The following BACH2 variants were observed in gnomAD, a reference collection of about 807,000 sequenced individuals.
BACH2 encodes the protein BACH transcriptional regulator 2.
BACH2 carries 5 observed loss-of-function variants against 61.8 expected under a neutral mutation model. The observed-to-expected ratio is 0.08, with a 90% confidence interval of 0.04 to 0.17. The LOEUF is 0.17. BACH2 is among the 10% of genes least tolerant of loss of function. The pLI, the probability that BACH2 is intolerant of heterozygous loss-of-function variation, is 1.00. For synonymous variants in BACH2, 446 were observed against 440.1 expected (o/e 1.01, Z -0.17); for missense variants, 824 against 1,091.1 (o/e 0.76, Z 3.45).
intron 2 of BACH2, among the ~76,000 whole-genome samples, chr6:90,268,905 G>A (rs1771430559): frequency 6.6e-6 from 1 of 152,068 alleles, no homozygotes; most frequent in African/African-American, 2.4e-5. Context: ...AATAAGAACA[G>A]ATTACTAACC....
chr6:90,259,302 G>T (rs1282167093), intron 2 of BACH2, among the ~76,000 whole-genome samples: 1 of 152,088 alleles, frequency 6.6e-6, no homozygotes, highest in Non-Finnish European at 1.5e-5. Context: ...TTTGTCAAAT[G>T]CTTTTTCTGT....
chr6:90,259,742 A>G lies in BACH2; in HGVS notation c.-352-7152T>C, dbSNP rs1012859263. Among the ~76,000 whole-genome samples the G allele has an allele frequency of 5.3e-5, 8 of 152,012 alleles. No homozygotes were observed. The East Asian group carries it at 1.5e-3, about 29-fold the overall frequency. ...AGGTTTTTCATTACTTCTCCAATCT[A>G]TTTGTGATTGGTCTGTTACAGGCTT... is the stretch of plus-strand genomic sequence containing the variant. On this transcript the variant is annotated intron_variant, in intron 2 of 8. Transcript: ENST00000257749.
Position 90,277,942 on chromosome 6 carries a change from T to C in BACH2, c.-445-6001A>G, listed in dbSNP as rs566465964. 5.3e-5 allele frequency among the ~76,000 whole-genome samples: 8 copies of C among 152,356 alleles called. 1 individual carries two copies. In the South Asian group the frequency reaches 1.7e-3, roughly 32 times the overall value. On this transcript the variant is annotated intron_variant, in intron 1 of 8. Transcript: ENST00000257749. ...TATCCGAGAAGCCTTTAAAGTTACA[T>C]GGTTCTACACAAAATGTTAGTATAA...
chr6:90,097,700 A>G (rs1782436978), intron 4 of BACH2, among the ~76,000 whole-genome samples: 1 of 152,182 alleles, frequency 6.6e-6, no homozygotes, highest in African/African-American at 2.4e-5. Flanking sequence ...CACTTTAATC[A>G]TTTTTAAGTA....
intron 6 of BACH2, among the ~76,000 whole-genome samples, chr6:89,983,739 C>T (rs1350993847): frequency 6.6e-6 from 1 of 152,166 alleles, no homozygotes; most frequent in Non-Finnish European, 1.5e-5. Flanking sequence ...ACCATATTGG[C>T]CAGTGCAGAA....
chr6:90,099,208 T>G (rs139484729), intron 4 of BACH2, among the ~76,000 whole-genome samples: 1 of 152,156 alleles, frequency 6.6e-6, no homozygotes, highest in Non-Finnish European at 1.5e-5. Context: ...CTCTGTTCAG[T>G]TCGGGACAGG....
chr6:90,130,962 A>G (rs1005044622), intron 4 of BACH2, among the ~76,000 whole-genome samples: 4 of 152,234 alleles, frequency 2.6e-5, no homozygotes, highest in African/African-American at 9.6e-5. Flanking sequence ...TACACATGCA[A>G]AATGTTTTGG....
At chr6:90,110,111 T>A (rs910769625) in intron 4 of BACH2, among the ~76,000 whole-genome samples, 1 of 152,224 alleles carries the variant, frequency 6.6e-6, no homozygotes, top group Admixed American at 6.5e-5. Flanking sequence ...TCATATCTGG[T>A]ACTACCTTCA....
rs139561676 is a variant in BACH2 at position 90,024,409 on chromosome 6, G to C, written c.-12-15553C>G. Among the ~76,000 whole-genome samples the C allele has an allele frequency of 1.0e-3, 157 of 152,170 alleles. 1 individual carries two copies. Among genetic ancestry groups the C allele is most frequent in the Non-Finnish European group, 1.9e-3 (128 of 68,000 alleles). ...AAAATGGGCCAAATACAGGGATGAG[G>C]CCTTTTGGGAGATGGTAAGAAATCT... On this transcript the variant is annotated intron_variant, in intron 5 of 8. Coordinates refer to ENST00000257749, the MANE Select transcript of BACH2 (RefSeq NM_021813.4).
chr6:89,993,781 C>T (rs994101682), intron 6 of BACH2, among the ~76,000 whole-genome samples: 2 of 151,680 alleles, frequency 1.3e-5, no homozygotes, highest in African/African-American at 4.8e-5. Flanking sequence ...CCAGGACTTC[C>T]AGGATCTAGG....
chr6:90,247,260 TG>T (rs1340670537), intron 3 of BACH2, among the ~76,000 whole-genome samples: 15 of 151,632 alleles, frequency 9.9e-5, no homozygotes, highest in African/African-American at 2.7e-4. Context: ...TTTTTTTTTT[TG>T]TAGAGATGGT....
chr6:90,011,319 T>G (rs769921739), intron 5 of BACH2, among the ~76,000 whole-genome samples: 12 of 152,362 alleles, frequency 7.9e-5, no homozygotes, highest in Non-Finnish European at 1.6e-4. Flanking sequence ...TTTTCTCTCC[T>G]GAATTACCTT....
At chr6:89,969,347 G>A (rs1775232591) in intron 6 of BACH2, among the ~76,000 whole-genome samples, 1 of 152,070 alleles carries the variant, frequency 6.6e-6, no homozygotes, top group Non-Finnish European at 1.5e-5. Flanking sequence ...GAGCCACCGT[G>A]CCCAGCAAAA....
intron 4 of BACH2, among the ~76,000 whole-genome samples, chr6:90,091,821 C>T (rs1183534282): frequency 6.6e-6 from 1 of 152,094 alleles, no homozygotes; most frequent in East Asian, 1.9e-4. Context: ...AGGATTGTTT[C>T]TATCAAAATG....
intron 4 of BACH2, among the ~76,000 whole-genome samples, chr6:90,159,319 C>T (rs1195659861): frequency 1.3e-5 from 2 of 152,154 alleles, no homozygotes; most frequent in African/African-American, 4.8e-5. Flanking sequence ...ATCCACTGCA[C>T]AGCTGATTTG....
chr6:90,103,990 T>A (rs1266388810), intron 4 of BACH2, among the ~76,000 whole-genome samples: 2 of 152,202 alleles, frequency 1.3e-5, no homozygotes, highest in African/African-American at 4.8e-5. Flanking sequence ...TGAAGTGGCC[T>A]GGTCAGTGAC....
At chr6:90,233,113 T>C (rs1030417277) in intron 3 of BACH2, among the ~76,000 whole-genome samples, 4 of 152,202 alleles carry the variant, frequency 2.6e-5, no homozygotes, top group African/African-American at 7.2e-5. Context: ...CTCATACTTG[T>C]TTCAATCACA....
chr6:89,973,872 G>C (rs189500936), intron 6 of BACH2, among the ~76,000 whole-genome samples: 7 of 152,134 alleles, frequency 4.6e-5, no homozygotes, highest in African/African-American at 1.7e-4. Flanking sequence ...AATGGATAAA[G>C]TGAAAGAAAA....
chr6:90,261,380 T>C (rs55817481), intron 2 of BACH2, among the ~76,000 whole-genome samples: 15,433 of 152,116 alleles, frequency 0.1, 1,090 homozygotes, highest in East Asian at 0.36. Context: ...AAAAGAATAT[T>C]AAAAAAATGT....
Sources: gnomAD v4.1 joint callset for allele counts (sites outside exome capture counted in the v4.1 genomes callset) on GRCh38, gnomAD v4.1.1 for gene constraint, MANE v1.5 for transcripts, NCBI Gene and HGNC (gene_info 2026-07-23, HGNC 2026-07-21) for gene names.